The following SOX5 variants were observed in gnomAD, a reference collection of about 807,000 sequenced individuals.
SOX5 encodes the protein transcription factor SOX-5.
Under a neutral mutation model 92.0 loss-of-function variants are expected in SOX5, and 9 were observed. That is an observed-to-expected ratio of 0.10 (90% CI 0.06 to 0.17). SOX5 has a LOEUF of 0.17. Among genes scored for constraint, SOX5 ranks in the 10% least tolerant of loss-of-function variants. SOX5 has a pLI of 1.00. For synonymous variants in SOX5, 344 were observed against 336.3 expected (o/e 1.02, Z -0.25); for missense variants, 642 against 944.5 (o/e 0.68, Z 4.20).
intron 4 of SOX5, among the ~76,000 whole-genome samples, chr12:24,096,235 T>C (rs957231951): frequency 4.6e-5 from 7 of 152,178 alleles, no homozygotes; most frequent in South Asian, 4.2e-4. Flanking sequence ...ATCATCGACA[T>C]TGGGTATTTC....
chr12:23,915,101 CCTCT>C (rs1479314110), intron 1 of SOX5, among the ~76,000 whole-genome samples: 1 of 152,080 alleles, frequency 6.6e-6, no homozygotes, highest in African/African-American at 2.4e-5. Context: ...TGTTACTTAA[CCTCT>C]CTGAGTCCCT....
intron 3 of SOX5, among the ~76,000 whole-genome samples, chr12:23,796,148 T>G (rs1009386491): frequency 3.3e-5 from 5 of 152,142 alleles, no homozygotes; most frequent in African/African-American, 1.2e-4. Flanking sequence ...CCATGGTGTT[T>G]AGGACTCTAA....
At chr12:23,830,300 A>G (rs905648976) in intron 3 of SOX5, among the ~76,000 whole-genome samples, 2 of 152,096 alleles carry the variant, frequency 1.3e-5, no homozygotes, top group Non-Finnish European at 2.9e-5. Context: ...ATTTCCATAC[A>G]GTGGTGCTTT....
chr12:23,589,988 G>A (rs1951296491), intron 9 of SOX5, among the ~76,000 whole-genome samples: 1 of 151,886 alleles, frequency 6.6e-6, no homozygotes, highest in Non-Finnish European at 1.5e-5. Flanking sequence ...ACTATTCAAG[G>A]AGTATGTGTT....
At chr12:23,988,456 C>T (rs1205168981) in intron 4 of SOX5, among the ~76,000 whole-genome samples, 1 of 152,168 alleles carries the variant, frequency 6.6e-6, no homozygotes, top group African/African-American at 2.4e-5. Context: ...ATGTCTAATG[C>T]TTTCAGTATT....
At chr12:23,703,042 T>C (rs556428112) in intron 6 of SOX5, among the ~76,000 whole-genome samples, 2 of 152,110 alleles carry the variant, frequency 1.3e-5, no homozygotes, top group South Asian at 4.1e-4. Context: ...TTAATGACTT[T>C]AGTAAAAAAA....
At chr12:23,586,866 C>T (rs1363526873) in intron 9 of SOX5, among the ~76,000 whole-genome samples, 11 of 150,814 alleles carry the variant, frequency 7.3e-5, no homozygotes, top group Admixed American at 2.6e-4. Flanking sequence ...CATAATTAAC[C>T]TCTTAGTGAA....
intron 4 of SOX5, among the ~76,000 whole-genome samples, chr12:24,166,753 G>A (rs148259683): frequency 1.4e-4 from 22 of 152,176 alleles, no homozygotes; most frequent in African/African-American, 4.6e-4. Flanking sequence ...TCATTTTAAC[G>A]AACACGCATT....
chr12:23,771,489 C>A (rs1437733764), intron 3 of SOX5, among the ~76,000 whole-genome samples: 1 of 152,182 alleles, frequency 6.6e-6, no homozygotes, highest in Non-Finnish European at 1.5e-5. Flanking sequence ...TGGCTTTGAG[C>A]TGTGAACAAG....
At chr12:23,708,540 A>G (rs929784218) in intron 6 of SOX5, among the ~76,000 whole-genome samples, 1 of 152,168 alleles carries the variant, frequency 6.6e-6, no homozygotes, top group Non-Finnish European at 1.5e-5. Flanking sequence ...AGTCAACGAT[A>G]AACATTAGGA....
At chr12:24,559,058 T>C (rs1331480188) in intron 1 of SOX5, among the ~76,000 whole-genome samples, 1 of 152,196 alleles carries the variant, frequency 6.6e-6, no homozygotes, top group Admixed American at 6.5e-5. Flanking sequence ...CAAATGGGTG[T>C]TTTAAAACAA....
chr12:24,543,267 C>G (rs971658447), intron 1 of SOX5, among the ~76,000 whole-genome samples: 1 of 152,204 alleles, frequency 6.6e-6, no homozygotes, highest in Non-Finnish European at 1.5e-5. Flanking sequence ...CTTCTGCTTA[C>G]CATTGTAACC....
chr12:24,498,000 G>C (rs1352807977), intron 1 of SOX5, among the ~76,000 whole-genome samples: 3 of 152,094 alleles, frequency 2.0e-5, no homozygotes, highest in African/African-American at 4.8e-5. Flanking sequence ...TGAATGATGA[G>C]AACACAAGGA....
intron 4 of SOX5, among the ~76,000 whole-genome samples, chr12:23,747,959 A>G (rs902892901): frequency 1.2e-5 from 1 of 81,632 alleles, no homozygotes; most frequent in Non-Finnish European, 2.7e-5. Flanking sequence ...AATGAAAGAG[A>G]TTAAAAAAAA....
chr12:23,807,642 A>ATTT lies in SOX5; in HGVS notation c.481+38338_481+38340dup, dbSNP rs34889293. 7.1e-3 allele frequency among the ~76,000 whole-genome samples: 1,014 copies of ATTT among 142,110 alleles called. 15 individuals are homozygous for ATTT. Among genetic ancestry groups the ATTT allele is most frequent in the African/African-American group, 0.016 (594 of 38,128 alleles). The allele number at this position is 142,110 out of a possible 152,430, so 93.2% of individuals were successfully genotyped here. Reference sequence around the variant, plus strand: ...AGAACTGTGAAAGAACAGAAATTCCATTTTTTTTTTTTTTTTGAGACAGAG... The same window carrying ATTT: ...AGAACTGTGAAAGAACAGAAATTCCATTTTTTTTTTTTTTTTTTTGAGACAGAG... On this transcript the variant is annotated intron_variant, in intron 3 of 14. Coordinates refer to ENST00000451604, the MANE Select transcript of SOX5 (RefSeq NM_006940.6).
chr12:24,223,392 A>G (rs1960998102), intron 3 of SOX5: 1 of 152,204 alleles, frequency 6.6e-6, no homozygotes, highest in Admixed American at 6.5e-5. Flanking sequence ...ACATTCATGA[A>G]CACTGTATCT....
chr12:24,069,557 G>T (rs537265206), intron 4 of SOX5, among the ~76,000 whole-genome samples: 1 of 152,296 alleles, frequency 6.6e-6, no homozygotes, highest in Admixed American at 6.5e-5. Context: ...ACATAGCAGT[G>T]ATTACACAGT....
At chr12:24,294,811 A>T (rs756730202) in intron 2 of SOX5, among the ~76,000 whole-genome samples, 5 of 152,264 alleles carry the variant, frequency 3.3e-5, no homozygotes, top group Non-Finnish European at 7.3e-5. Context: ...TGAAGCCGAC[A>T]GTGGCCAAGT....
At chr12:24,162,311 CT>C (rs1193946010) in intron 4 of SOX5, among the ~76,000 whole-genome samples, 11 of 152,058 alleles carry the variant, frequency 7.2e-5, no homozygotes, top group Admixed American at 6.6e-4. Flanking sequence ...GATTAATAAG[CT>C]AGTGCATATT....
Sources: gnomAD v4.1 joint callset for allele counts (sites outside exome capture counted in the v4.1 genomes callset) on GRCh38, gnomAD v4.1.1 for gene constraint, MANE v1.5 for transcripts, NCBI Gene and HGNC (gene_info 2026-07-23, HGNC 2026-07-21) for gene names.